Variants in NCAPH observed in about 807,000 individuals in gnomAD.
NCAPH encodes the protein condensin complex subunit 2.
Under a neutral mutation model 85.5 loss-of-function variants are expected in NCAPH, and 38 were observed. That is an observed-to-expected ratio of 0.44 (90% CI 0.34 to 0.58). The LOEUF is 0.58. Ranked by LOEUF, NCAPH falls within the 20% of genes least tolerant of loss-of-function variation. The probability of loss-of-function intolerance (pLI) is 0.01; values close to 1 mark genes in which losing one functional copy is unlikely to be tolerated. For synonymous variants in NCAPH, 301 were observed against 335.1 expected (o/e 0.90, Z 1.11); for missense variants, 789 against 916.6 (o/e 0.86, Z 1.80).
chr2:96,357,499 T>C (rs966253040), intron 9 of NCAPH, among the ~76,000 whole-genome samples: 3 of 152,166 alleles, frequency 2.0e-5, no homozygotes, highest in Admixed American at 2.0e-4. Flanking sequence ...ATCACCAGAA[T>C]TGGGAATGGG....
At chr2:96,339,113 A>G (rs1482162687) in intron 1 of NCAPH, among the ~76,000 whole-genome samples, 1 of 152,198 alleles carries the variant, frequency 6.6e-6, no homozygotes, top group Non-Finnish European at 1.5e-5. Flanking sequence ...GCCCAGCCAC[A>G]TGTGTGTTTA....
At chr2:96,353,546 G>A in intron 8 of NCAPH, 149 bp downstream of exon 8, 1 of 697,806 alleles carries the variant, frequency 1.4e-6, no homozygotes, top group South Asian at 1.8e-5. Context: ...CAAAAACCCT[G>A]AGGGAGGAGG....
At chr2:96,354,422 G>T in intron 9 of NCAPH, 34 bp downstream of exon 9, 1 of 1,425,780 alleles carries the variant, frequency 7.0e-7, no homozygotes, top group Non-Finnish European at 9.3e-7. Flanking sequence ...TGTTTCTATA[G>T]GAGTTTTCCA....
At position 96,374,882 on chromosome 2, in the gene NCAPH, C is replaced by T. The variant is rs1401837340; in HGVS notation, c.*1531C>T. Among the ~76,000 whole-genome samples, 2 of 152,020 alleles carry T rather than the reference C, an allele frequency of 1.3e-5. No individual in the cohort carries two copies. The highest frequency in any genetic ancestry group is 2.9e-5 in the Non-Finnish European group (2 of 68,024). The stretch of plus-strand genomic sequence containing the variant: ...CAGCCCCACTTCTCTATAGTGGGTT[C>T]TGGGGGTGGGGGGCTGAATTACCAG... On this transcript the variant is annotated 3_prime_UTR_variant, in exon 18 of 18. Coordinates refer to ENST00000240423, the MANE Select transcript of NCAPH (RefSeq NM_015341.5).
chr2:96,374,940 G>A lies in NCAPH; in HGVS notation c.*1589G>A. ...AGAAAGATTGGGACCAAGTGCAGTG[G>A]CCCACACCTGTAAATCCTAGCGCTT... On this transcript the variant is annotated 3_prime_UTR_variant, in exon 18 of 18. Coordinates refer to ENST00000240423, the MANE Select transcript of NCAPH (RefSeq NM_015341.5). Among the ~76,000 whole-genome samples the A allele has an allele frequency of 6.6e-6, 1 of 152,140 alleles. No homozygotes were observed. Among genetic ancestry groups the A allele is most frequent in the Non-Finnish European group, 1.5e-5 (1 of 68,034 alleles).
At chr2:96,370,834 C>T (rs994308188) in intron 17 of NCAPH, among the ~76,000 whole-genome samples, 8 of 152,126 alleles carry the variant, frequency 5.3e-5, no homozygotes, top group Non-Finnish European at 1.2e-4. Flanking sequence ...GTGTAGTTCC[C>T]AAGAAGGAAT....
chr2:96,338,535 ATTAAG>A (rs2064246524), intron 1 of NCAPH, among the ~76,000 whole-genome samples: 1 of 152,190 alleles, frequency 6.6e-6, no homozygotes, highest in Non-Finnish European at 1.5e-5. Flanking sequence ...TGCTCATGTG[ATTAAG>A]TTAAGGCTGT....
chr2:96,343,374 A>G lies in NCAPH; in HGVS notation c.595+70A>G. On this transcript the variant is annotated intron_variant, in intron 5 of 17. Coordinates refer to ENST00000240423, the MANE Select transcript of NCAPH (RefSeq NM_015341.5). Reference sequence around the variant, plus strand: ...TACCAGGTAGTTACTTGAGTAATATACTAGAAGAAGGTCACAAGAAATAAG... The same window carrying G: ...TACCAGGTAGTTACTTGAGTAATATGCTAGAAGAAGGTCACAAGAAATAAG... 2.7e-6 allele frequency: 4 copies of G among 1,491,214 alleles called. No homozygotes were observed. The South Asian group carries it at 5.7e-5, about 21-fold the overall frequency. 92.4% of individuals were successfully genotyped at this position (1,491,214 alleles called of 1,614,324 possible).
intron 6 of NCAPH, among the ~76,000 whole-genome samples, chr2:96,348,581 C>G (rs780003956): frequency 2.0e-5 from 3 of 151,982 alleles, no homozygotes; most frequent in Non-Finnish European, 4.4e-5. Flanking sequence ...GCCCTTTCTA[C>G]GTTCCCTTCC....
At chr2:96,359,301 T>A in intron 10 of NCAPH, 108 bp downstream of exon 10, 1 of 1,390,344 alleles carries the variant, frequency 7.2e-7, no homozygotes, top group South Asian at 1.3e-5. Context: ...TTGTGTCTCT[T>A]AATAAGCCGA....
At position 96,373,497 on chromosome 2, in the gene NCAPH, TTC is replaced by T. The variant is rs1014693295; in HGVS notation, c.*151_*152del. 1 of 731,254 alleles carries T rather than the reference TTC, an allele frequency of 1.4e-6. No individual in the cohort carries two copies. Among genetic ancestry groups the T allele is most frequent in the African/African-American group, 1.8e-5 (1 of 57,004 alleles). The allele number at this position is 731,254 out of a possible 1,614,324, so 45.3% of individuals were successfully genotyped here. A position where few individuals can be genotyped will look rare whatever the true frequency, so the allele number is the denominator to read the frequency against. On this transcript the variant is annotated 3_prime_UTR_variant, in exon 18 of 18. Coordinates refer to ENST00000240423, the MANE Select transcript of NCAPH (RefSeq NM_015341.5). Reference sequence around the variant, plus strand: ...TGCCTGTTTGTTTGTTGCTCTTTCCTTCTCTCCATCATAGTCTGGGTGCCAGC... The same window carrying T: ...TGCCTGTTTGTTTGTTGCTCTTTCCTTCTCCATCATAGTCTGGGTGCCAGC...
chr2:96,371,568 G>C (rs1000945461), intron 17 of NCAPH, among the ~76,000 whole-genome samples: 1 of 152,262 alleles, frequency 6.6e-6, no homozygotes, highest in African/African-American at 2.4e-5. Flanking sequence ...GGCAGTGCAG[G>C]CATGTTCATT....
chr2:96,359,173 G>T lies in NCAPH; in HGVS notation c.1337G>T (p.Arg446Leu). The change falls in exon 10 of 18, where the codon CGC (arginine) becomes CTC (leucine). Residue 446 changes from arginine (R) to leucine (L), a missense_variant. By Grantham distance (102) the Arg-to-Leu change is moderately radical (BLOSUM62 -2). Transcript: ENST00000240423. ...ATGTGGGCTGGCCCGGATCACTGGC[G>T]CTTTAGGCCTCGACGCAAACGTATG... ...MSMWAGPDHW[R>L]FRPRRKQDAP... The T allele has an allele frequency of 6.2e-7, 1 of 1,614,082 alleles. No individual in the cohort carries two copies. The highest frequency in any genetic ancestry group is 8.5e-7 in the Non-Finnish European group (1 of 1,180,012).
intron 12 of NCAPH, among the ~76,000 whole-genome samples, chr2:96,361,040 C>CTTTTT (rs760283642): frequency 6.9e-5 from 6 of 86,750 alleles, no homozygotes; most frequent in East Asian, 3.5e-4. Flanking sequence ...TTGCTTTCTC[C>CTTTTT]TTTTTTTTTT....
rs543878447 is a variant in NCAPH at position 96,365,960 on chromosome 2, C to T, written c.1783C>T (p.Pro595Ser). The T allele has an allele frequency of 6.2e-6, 10 of 1,614,178 alleles. No individual in the cohort carries two copies. The highest frequency in any genetic ancestry group is 3.3e-4 in the Middle Eastern group (2 of 6,062). ...TGACCTCTCACCTTATCCTTGCCAT[C>T]CACCTAAGACAGCACAACAGAATGG... Reference protein sequence around the residue: ...NSDLSPYPCHPPKTAQQNGDT... With the variant: ...NSDLSPYPCHSPKTAQQNGDT... Residue 595 changes from proline to serine, a missense_variant, in exon 14 of 18, where the codon CCA becomes TCA. Transcript: ENST00000240423.
intron 1 of NCAPH, among the ~76,000 whole-genome samples, chr2:96,338,722 G>A (rs1373148132): frequency 1.3e-5 from 2 of 152,210 alleles, no homozygotes; most frequent in Non-Finnish European, 2.9e-5. Context: ...TGCAAAAGGC[G>A]AGGAACAGAT....
intron 9 of NCAPH, among the ~76,000 whole-genome samples, chr2:96,354,694 C>A (rs1050304315): frequency 6.6e-6 from 1 of 152,160 alleles, no homozygotes; most frequent in Non-Finnish European, 1.5e-5. Flanking sequence ...GGCTGGTGTG[C>A]TGTGTCATAC....
rs1005458739 is a variant in NCAPH at position 96,335,840 on chromosome 2, C to A, written c.11C>A (p.Pro4His). MGP[P>H]GPALPATMNN... The stretch of plus-strand genomic sequence containing the variant: ...AGACGCCAAGGAAAGATGGGACCTC[C>A]CGGCCCAGGTGAGCCGGGCGGTCGG... The change falls in exon 1 of 18, where the codon CCC (proline) becomes CAC (histidine). Residue 4 changes from proline to histidine, a missense_variant. Transcript: ENST00000240423. 6 of 1,495,066 alleles carry A rather than the reference C, an allele frequency of 4.0e-6. No homozygotes were observed. Among genetic ancestry groups the A allele is most frequent in the Admixed American group, 2.5e-5 (1 of 40,106 alleles). The allele number at this position is 1,495,066 out of a possible 1,614,324, so 92.6% of individuals were successfully genotyped here.
rs181180911 is a variant in NCAPH at position 96,376,528 on chromosome 2, C to G, written c.*3177C>G. On this transcript the variant is annotated 3_prime_UTR_variant, in exon 18 of 18. Coordinates refer to ENST00000240423, the MANE Select transcript of NCAPH (RefSeq NM_015341.5). Reference sequence around the variant, plus strand: ...GATCCCCCTGGGGAGCAAAAGGCTGCAGGTAACACTTTGGTGCCCTAGAAA... The same window carrying G: ...GATCCCCCTGGGGAGCAAAAGGCTGGAGGTAACACTTTGGTGCCCTAGAAA... Among the ~76,000 whole-genome samples, 1 of 152,238 alleles carries G rather than the reference C, an allele frequency of 6.6e-6. No homozygotes were observed. Among genetic ancestry groups the G allele is most frequent in the East Asian group, 1.9e-4 (1 of 5,200 alleles).
Sources: allele counts gnomAD v4.1 joint callset (sites outside exome capture counted in the v4.1 genomes callset), GRCh38; gene constraint gnomAD v4.1.1; transcripts MANE v1.5; gene names NCBI Gene and HGNC (gene_info 2026-07-23, HGNC 2026-07-21).